Variants in XKR9 observed in about 807,000 individuals in gnomAD.
The protein encoded by XKR9 is XK-related protein 9.
A neutral mutation model predicts 32.0 loss-of-function variants in XKR9; 32 were observed. The observed-to-expected ratio is 1.00, with a 90% CI of 0.76 to 1.34. The LOEUF is 1.34. Ranked by LOEUF, XKR9 falls within the 40% of genes most tolerant of loss-of-function variation. XKR9 has a pLI of 0.00. For synonymous variants in XKR9, 168 were observed against 143.4 expected (o/e 1.17, Z -1.22); for missense variants, 546 against 429.7 (o/e 1.27, Z -2.39).
At chr8:70,922,068 G>A in the XKR9 span, among the ~76,000 whole-genome samples, 1 of 152,132 alleles carries the variant, frequency 6.6e-6, no homozygotes, top group South Asian at 2.1e-4. Context: ...GGGTTCAGAA[G>A]CAATGAGTAA....
intron 2 of XKR9, among the ~76,000 whole-genome samples, chr8:70,769,120 C>A (rs531659625): frequency 9.9e-5 from 15 of 151,900 alleles, no homozygotes; most frequent in Non-Finnish European, 2.2e-4. Context: ...GTAAGGCAGG[C>A]CTGGTAGTGA....
At chr8:71,023,902 C>T in the XKR9 span, among the ~76,000 whole-genome samples, 2 of 152,262 alleles carry the variant, frequency 1.3e-5, no homozygotes, top group Middle Eastern at 6.8e-3. Context: ...GAGCAATCCC[C>T]AGGCTCTTGA....
the XKR9 span, among the ~76,000 whole-genome samples, chr8:71,055,183 A>T: frequency 1.3e-5 from 2 of 152,230 alleles, no homozygotes; most frequent in Non-Finnish European, 2.9e-5. Context: ...GGGATTATTT[A>T]TGTGAAATAC....
At chr8:71,040,774 CTT>C in the XKR9 span, among the ~76,000 whole-genome samples, 1 of 152,044 alleles carries the variant, frequency 6.6e-6, no homozygotes, top group African/African-American at 2.4e-5. Context: ...ATTTTCATCA[CTT>C]ATATTTTAGG....
chr8:71,033,451 C>T, the XKR9 span, among the ~76,000 whole-genome samples: 1 of 152,150 alleles, frequency 6.6e-6, no homozygotes. Context: ...GTGCTCTCAT[C>T]ACTGCTACAT....
At chr8:71,053,336 T>A in the XKR9 span, among the ~76,000 whole-genome samples, 1 of 152,152 alleles carries the variant, frequency 6.6e-6, no homozygotes, top group Non-Finnish European at 1.5e-5. Flanking sequence ...TGATGTGAAG[T>A]CAATGATTCT....
At chr8:70,728,030 C>G (rs1026197235) in intron 4 of XKR9, among the ~76,000 whole-genome samples, 1 of 152,126 alleles carries the variant, frequency 6.6e-6, no homozygotes, top group Non-Finnish European at 1.5e-5. Context: ...CAAAGGCAGT[C>G]TAATCTCCAG....
At chr8:70,752,771 G>T (rs13277975) in intron 2 of XKR9, among the ~76,000 whole-genome samples, 2 of 152,000 alleles carry the variant, frequency 1.3e-5, no homozygotes. Flanking sequence ...AAAGCAGTGT[G>T]TAGAGGGAAA....
intron 4 of XKR9, among the ~76,000 whole-genome samples, chr8:70,718,101 G>A (rs983908013): frequency 2.0e-5 from 3 of 152,008 alleles, no homozygotes; most frequent in African/African-American, 7.2e-5. Context: ...AAGTCTCTAG[G>A]AAGTTCCAAA....
At chr8:71,025,197 T>C in the XKR9 span, among the ~76,000 whole-genome samples, 2 of 152,172 alleles carry the variant, frequency 1.3e-5, no homozygotes, top group African/African-American at 2.4e-5. Context: ...TATTAACCAC[T>C]GCACTCAACA....
chr8:70,981,023 G>A, the XKR9 span, among the ~76,000 whole-genome samples: 2 of 152,156 alleles, frequency 1.3e-5, no homozygotes, highest in Admixed American at 1.3e-4. Flanking sequence ...AATCTGATAG[G>A]TTTTCCTTTA....
chr8:70,760,761 T>A (rs1185889422), intron 2 of XKR9, among the ~76,000 whole-genome samples: 2 of 152,194 alleles, frequency 1.3e-5, no homozygotes, highest in Non-Finnish European at 1.5e-5. Context: ...GCAGGTTTGT[T>A]ACATAGGTAA....
At chr8:70,755,951 A>T (rs1290946731) in intron 2 of XKR9, among the ~76,000 whole-genome samples, 1 of 152,188 alleles carries the variant, frequency 6.6e-6, no homozygotes, top group African/African-American at 2.4e-5. Context: ...ATATTCAAAA[A>T]GGTCATAAAG....
chr8:70,934,484 G>T, the XKR9 span, among the ~76,000 whole-genome samples: 1 of 151,960 alleles, frequency 6.6e-6, no homozygotes, highest in East Asian at 1.9e-4. Flanking sequence ...TTTTTGTAAA[G>T]CAAAACAACT....
chr8:70,851,161 A>G, the XKR9 span, among the ~76,000 whole-genome samples: 2 of 152,338 alleles, frequency 1.3e-5, no homozygotes, highest in African/African-American at 4.8e-5. Context: ...GAGGCAAATC[A>G]TGAGTGAACT....
the XKR9 span, among the ~76,000 whole-genome samples, chr8:70,845,773 AT>A: frequency 6.4e-4 from 97 of 152,228 alleles, no homozygotes; most frequent in African/African-American, 2.2e-3. Context: ...AGAAAAAATA[AT>A]AAAAAAAACC....
At chr8:71,015,104 T>C in the XKR9 span, among the ~76,000 whole-genome samples, 1 of 152,200 alleles carries the variant, frequency 6.6e-6, no homozygotes, top group Non-Finnish European at 1.5e-5. Context: ...TGGTTCGTTT[T>C]GTGGGTGGAA....
chr8:70,770,794 C>T (rs1354793126), intron 2 of XKR9, among the ~76,000 whole-genome samples: 1 of 152,188 alleles, frequency 6.6e-6, no homozygotes, highest in Admixed American at 6.5e-5. Context: ...AGGTGGACTT[C>T]AGACTGCGTG....
chr8:70,880,394 C>G, the XKR9 span, among the ~76,000 whole-genome samples: 105 of 152,338 alleles, frequency 6.9e-4, no homozygotes, highest in East Asian at 0.018. Flanking sequence ...AGCCCCAAAT[C>G]TCCTTAACCT....
Sources: gnomAD v4.1 joint callset for allele counts (sites outside exome capture counted in the v4.1 genomes callset) on GRCh38, gnomAD v4.1.1 for gene constraint, MANE v1.5 for transcripts, NCBI Gene and HGNC (gene_info 2026-07-23, HGNC 2026-07-21) for gene names.